Variants in PLBD2 observed in about 807,000 individuals in gnomAD.
The protein encoded by PLBD2 is phospholipase B domain containing 2, also known as putative aminopeptidase PLBD2.
In PLBD2, 51 loss-of-function variants were observed where a neutral mutation model predicts 68.3. The ratio of observed to expected loss-of-function variants is 0.75; its 90% CI spans 0.60 to 0.94. PLBD2 has a LOEUF of 0.94. Ranked by LOEUF, PLBD2 falls within the 40% of genes least tolerant of loss-of-function variation. The probability of loss-of-function intolerance (pLI) is 0.00; values close to 1 mark genes in which losing one functional copy is unlikely to be tolerated. For missense variants in PLBD2, 729 were observed against 792.2 expected (o/e 0.92, Z 0.96); for synonymous variants, 314 against 339.3 (o/e 0.93, Z 0.82).
Position 113,384,960 on chromosome 12 carries a change from G to A in PLBD2, c.1214+14G>A. Reference sequence around the variant, plus strand: ...GGAGCAGATCCCGTGCGTACCCTGGGAGGGAGGGGTGGGGGCTCGGGGCAG... The same window carrying A: ...GGAGCAGATCCCGTGCGTACCCTGGAAGGGAGGGGTGGGGGCTCGGGGCAG... On this transcript the variant is annotated intron_variant, in intron 8 of 11. Transcript: ENST00000280800. The surrounding 1 kb of genome is among the most constrained non-coding windows in gnomAD (Gnocchi z 4.2). 6.8e-7 allele frequency: 1 copy of A among 1,467,192 alleles called. No homozygotes were observed. Among genetic ancestry groups the A allele is most frequent in the Non-Finnish European group, 9.5e-7 (1 of 1,051,084 alleles). The allele number at this position is 1,467,192 out of a possible 1,614,324, so 90.9% of individuals were successfully genotyped here.
rs116994975 is a variant in PLBD2, at chr12:113,384,162, C to T, written c.1015C>T (p.Pro339Ser). 4 of 1,614,016 alleles carry T rather than the reference C, an allele frequency of 2.5e-6. No homozygotes were observed. In the East Asian group the frequency reaches 8.9e-5, roughly 36 times the overall value. Residue 339 changes from proline (P) to serine (S), a missense_variant, in exon 7 of 12, where the codon CCC becomes TCC. Transcript: ENST00000280800. The surrounding 1 kb of genome is among the most constrained non-coding windows in gnomAD (Gnocchi z 4.2). ...CCCAGCCCTGTGGAAGTATGTGCGG[C>T]CCAGGGGCTGTGTGCTGGAGTGGGT... is the stretch of plus-strand genomic sequence containing the variant. Reference protein sequence around the residue: ...KNPALWKYVRPRGCVLEWVRN... With the variant: ...KNPALWKYVRSRGCVLEWVRN...
chr12:113,374,666 C>A, intron 4 of PLBD2, 92 bp downstream of exon 4: 2 of 1,450,574 alleles, frequency 1.4e-6, no homozygotes, highest in Non-Finnish European at 1.9e-6. Flanking sequence ...CCTTGCCACT[C>A]CCTGGCTCTG....
chr12:113,365,852 T>C (rs552956247), intron 1 of PLBD2, among the ~76,000 whole-genome samples: 5 of 152,202 alleles, frequency 3.3e-5, no homozygotes, highest in Non-Finnish European at 7.3e-5. Context: ...TCACCTCTTC[T>C]GTGATGCCTT....
intron 5 of PLBD2, 170 bp downstream of exon 5, chr12:113,375,177 G>A (rs1427656172): frequency 7.7e-6 from 5 of 649,270 alleles, no homozygotes; most frequent in Admixed American, 2.8e-5. Flanking sequence ...TTGGGGTCTT[G>A]CTCTGTTGCC....
chr12:113,386,765 C>T (rs1047702733), intron 9 of PLBD2, among the ~76,000 whole-genome samples, 172 bp from the exon 10 acceptor site: 5 of 152,132 alleles, frequency 3.3e-5, no homozygotes, highest in Non-Finnish European at 7.4e-5. Context: ...GTGATCTGCC[C>T]GCCTCGGCCT....
chr12:113,374,030 A>G (rs996192870), intron 3 of PLBD2, among the ~76,000 whole-genome samples: 3 of 152,226 alleles, frequency 2.0e-5, no homozygotes, highest in Middle Eastern at 3.4e-3. Context: ...CCAAGGCCCC[A>G]TGAGGGACAC....
intron 5 of PLBD2, among the ~76,000 whole-genome samples, chr12:113,378,720 C>G (rs1957456311): frequency 6.7e-6 from 1 of 148,798 alleles, no homozygotes; most frequent in Non-Finnish European, 1.5e-5. Flanking sequence ...GAGTCTCACT[C>G]TGTTGCCCAG....
At chr12:113,381,248 C>A (rs1263310985) in intron 6 of PLBD2, among the ~76,000 whole-genome samples, 1 of 151,946 alleles carries the variant, frequency 6.6e-6, no homozygotes, top group African/African-American at 2.4e-5. Context: ...TGCCCCCGCC[C>A]CCCCCACATC....
intron 1 of PLBD2, 32 bp downstream of exon 1, chr12:113,358,922 TC>T (rs1483300042): frequency 6.7e-6 from 10 of 1,489,222 alleles, no homozygotes; most frequent in Middle Eastern, 4.6e-4. Flanking sequence ...CGCGGGGCCA[TC>T]GGGGGAGGGG....
chr12:113,380,767 C>A lies in PLBD2; in HGVS notation c.882C>A (p.Gly294=), dbSNP rs983689648. Residue 294 remains glycine (G), a synonymous_variant, in exon 6 of 12, where the codon GGC becomes GGA. Coordinates refer to ENST00000280800, the MANE Select transcript of PLBD2 (RefSeq NM_173542.4). The stretch of plus-strand genomic sequence containing the variant: ...CAGGGGACTACCCGCTGGTTCCCGG[C>A]AACAAGCTGGTCTTCTCCTCCTACC... The part of the protein sequence containing the change: ...GPWGDYPLVP[G]NKLVFSSYPG... 6.4e-6 allele frequency: 10 copies of A among 1,552,632 alleles called. No homozygotes were observed. Among genetic ancestry groups the A allele is most frequent in the Non-Finnish European group, 7.8e-6 (9 of 1,148,166 alleles).
chr12:113,380,759 G>C lies in PLBD2; in HGVS notation c.874G>C (p.Val292Leu), dbSNP rs779216821. ...TGCCTGCACAGGGGACTACCCGCTG[G>C]TTCCCGGCAACAAGCTGGTCTTCTC... ...REGPWGDYPL[V>L]PGNKLVFSSY... The change falls in exon 6 of 12, where the codon GTT becomes CTT. Residue 292 changes from valine (V) to leucine (L), a missense_variant. Physicochemically the swap from Val to Leu is conservative, Grantham distance 32 (BLOSUM62 1). Coordinates refer to ENST00000280800, the MANE Select transcript of PLBD2 (RefSeq NM_173542.4). 2 of 1,551,288 alleles carry C rather than the reference G, an allele frequency of 1.3e-6. No individual in the cohort carries two copies. The highest frequency in any genetic ancestry group is 3.9e-5 in the Admixed American group (2 of 51,136).
intron 5 of PLBD2, among the ~76,000 whole-genome samples, chr12:113,375,925 C>G (rs1289657375): frequency 6.6e-6 from 1 of 152,168 alleles, no homozygotes; most frequent in Non-Finnish European, 1.5e-5. Context: ...ATGATCTCAG[C>G]TCACTGCAAC....
At chr12:113,381,271 C>G (rs1004923161) in intron 6 of PLBD2, among the ~76,000 whole-genome samples, 2 of 151,868 alleles carry the variant, frequency 1.3e-5, no homozygotes, top group Non-Finnish European at 2.9e-5. Context: ...CACCGCTTCC[C>G]TCTCCTCCTG....
chr12:113,358,695 G>A lies in PLBD2; in HGVS notation c.95G>A (p.Gly32Glu). The A allele has an allele frequency of 7.0e-7, 1 of 1,418,898 alleles. No homozygotes were observed. Among genetic ancestry groups the A allele is most frequent in the Non-Finnish European group, 9.1e-7 (1 of 1,094,782 alleles). The allele number at this position is 1,418,898 out of a possible 1,614,324, so 87.9% of individuals were successfully genotyped here. Residue 32 changes from glycine to glutamate, a missense_variant, in exon 1 of 12, where the codon GGG becomes GAG. Coordinates refer to ENST00000280800, the MANE Select transcript of PLBD2 (RefSeq NM_173542.4). ...ALALVLALLV[G>E]PFLSGLAGAI... ...GCCCTGGTGCTGGCCCTGCTGGTCGGGCCGTTCCTGAGCGGCCTGGCGGGG... is the reference window on the plus strand; with the variant it reads ...GCCCTGGTGCTGGCCCTGCTGGTCGAGCCGTTCCTGAGCGGCCTGGCGGGG...
chr12:113,384,190 G>A lies in PLBD2; in HGVS notation c.1043G>A (p.Arg348His), dbSNP rs149632527. 6.8e-6 allele frequency: 11 copies of A among 1,613,914 alleles called. No individual in the cohort carries two copies. The highest frequency in any genetic ancestry group is 1.7e-4 in the Middle Eastern group (1 of 6,060). ...AGGGGCTGTGTGCTGGAGTGGGTACGCAACATCGTGGCCAACCGCCTGGCC... is the reference window on the plus strand; with the variant it reads ...AGGGGCTGTGTGCTGGAGTGGGTACACAACATCGTGGCCAACCGCCTGGCC... The part of the protein sequence containing the change: ...RPRGCVLEWV[R>H]NIVANRLASD... Residue 348 changes from arginine to histidine, a missense_variant, in exon 7 of 12, where the codon CGC (arginine) becomes CAC (histidine). By Grantham distance (29) the Arg-to-His change is conservative. Coordinates refer to ENST00000280800, the MANE Select transcript of PLBD2 (RefSeq NM_173542.4). This position sits in a 1 kb window ranked among gnomAD's most constrained non-coding sequence, Gnocchi z 4.2.
rs1362049985 is a variant in PLBD2, at chr12:113,384,965, AG to A, written c.1214+23del. 1.8e-6 allele frequency: 1 copy of A among 562,580 alleles called. No homozygotes were observed. Among genetic ancestry groups the A allele is most frequent in the Non-Finnish European group, 3.4e-6 (1 of 298,374 alleles). 34.8% of individuals were successfully genotyped at this position (562,580 alleles called of 1,614,324 possible). On this transcript the variant is annotated intron_variant, in intron 8 of 11. Transcript: ENST00000280800. This position sits in a 1 kb window ranked among gnomAD's most constrained non-coding sequence, Gnocchi z 4.2. ...AGATCCCGTGCGTACCCTGGGAGGGAGGGGTGGGGGCTCGGGGCAGAGGGGA... is the reference window on the plus strand; with the variant it reads ...AGATCCCGTGCGTACCCTGGGAGGGAGGGTGGGGGCTCGGGGCAGAGGGGA...
At chr12:113,375,224 T>C in intron 5 of PLBD2, 1 of 563,412 alleles carries the variant, frequency 1.8e-6, no homozygotes, top group South Asian at 2.1e-5. Flanking sequence ...TGGCTCACTG[T>C]AGCCTTGACT....
chr12:113,380,656 C>T, intron 5 of PLBD2, 89 bp from the exon 6 acceptor site: 1 of 1,042,390 alleles, frequency 9.6e-7, no homozygotes. Context: ...CCTGCCTGTG[C>T]CCCTGTGCCT....
In PLBD2 at chr12:113,377,528, C is replaced by T. The variant is rs572078646; in HGVS notation, c.859+2521C>T. On this transcript the variant is annotated intron_variant, in intron 5 of 11. Coordinates refer to ENST00000280800, the MANE Select transcript of PLBD2 (RefSeq NM_173542.4). ...GCAACCTCTGCTTCCTAGGTTCAAGCGATTCTTCTGCCTCAGCCTCCTGAG... is the reference window on the plus strand; with the variant it reads ...GCAACCTCTGCTTCCTAGGTTCAAGTGATTCTTCTGCCTCAGCCTCCTGAG... Among the ~76,000 whole-genome samples, 12 of 152,270 alleles carry T rather than the reference C, an allele frequency of 7.9e-5. No homozygotes were observed. In the South Asian group the frequency reaches 1.9e-3, roughly 24 times the overall value.
Sources: gnomAD v4.1 joint callset for allele counts (sites outside exome capture counted in the v4.1 genomes callset) on GRCh38, gnomAD v4.1.1 for gene constraint, Gnocchi (gnomAD v3.1) non-coding constraint, MANE v1.5 for transcripts, NCBI Gene and HGNC (gene_info 2026-07-23, HGNC 2026-07-21) for gene names.